Variants in MACROD2 observed in about 807,000 individuals in gnomAD.
The protein encoded by MACROD2 is ADP-ribose glycohydrolase MACROD2.
A neutral mutation model predicts 70.4 loss-of-function variants in MACROD2; 36 were observed. The ratio of observed to expected loss-of-function variants is 0.51; its 90% CI spans 0.39 to 0.68. The LOEUF (loss-of-function observed/expected upper bound fraction) is 0.68, where lower values mean the gene tolerates loss of function less well. MACROD2 is among the 30% of genes least tolerant of loss of function. MACROD2 has a pLI of 0.00. For missense variants in MACROD2, 496 were observed against 538.4 expected (o/e 0.92, Z 0.78); for synonymous variants, 172 against 178.8 (o/e 0.96, Z 0.30).
intron 7 of MACROD2, among the ~76,000 whole-genome samples, chr20:15,447,211 AG>A (rs1205505271): frequency 2.0e-5 from 3 of 152,166 alleles, no homozygotes; most frequent in African/African-American, 7.2e-5. Flanking sequence ...AAGGTGGTGA[AG>A]GAGACAAGCA....
intron 5 of MACROD2, among the ~76,000 whole-genome samples, chr20:14,787,089 AATTT>A (rs765453449): frequency 8.5e-5 from 13 of 152,226 alleles, no homozygotes; most frequent in African/African-American, 2.7e-4. Context: ...TGCTACCAAG[AATTT>A]ATTTATTTCT....
chr20:15,533,477 G>C (rs888349797), intron 8 of MACROD2, among the ~76,000 whole-genome samples: 1 of 151,934 alleles, frequency 6.6e-6, no homozygotes, highest in Non-Finnish European at 1.5e-5. Flanking sequence ...TAATACTTTA[G>C]AGTTATTTCA....
In MACROD2 at chr20:15,786,010, C is replaced by T. The variant is rs960058309; in HGVS notation, c.646-76735C>T. On this transcript the variant is annotated intron_variant, in intron 8 of 17. Coordinates refer to ENST00000684519, the MANE Select transcript of MACROD2 (RefSeq NM_001351661.2). The stretch of plus-strand genomic sequence containing the variant: ...GTTAACATGTTTTATCAAAAACAAG[C>T]GATCGAAGAATAGATACAAGGGTTC... Among the ~76,000 whole-genome samples the T allele has an allele frequency of 1.9e-4, 29 of 151,788 alleles. 1 individual carries two copies. In the East Asian group the frequency reaches 5.4e-3, roughly 28 times the overall value.
intron 8 of MACROD2, among the ~76,000 whole-genome samples, chr20:15,751,492 T>C (rs900206853): frequency 2.6e-5 from 4 of 152,182 alleles, no homozygotes; most frequent in Admixed American, 2.0e-4. Flanking sequence ...ATTTACTATT[T>C]CCAGGGTTTT....
intron 7 of MACROD2, among the ~76,000 whole-genome samples, chr20:15,449,454 A>G (rs1173171015): frequency 6.6e-6 from 1 of 152,148 alleles, no homozygotes; most frequent in African/African-American, 2.4e-5. Context: ...GCAATATAAA[A>G]AGTCATCAAA....
At chr20:14,646,725 T>C (rs1290368581) in intron 4 of MACROD2, among the ~76,000 whole-genome samples, 1 of 152,148 alleles carries the variant, frequency 6.6e-6, no homozygotes, top group Non-Finnish European at 1.5e-5. Context: ...AATGGTACAT[T>C]GTTTCATGAA....
intron 4 of MACROD2, among the ~76,000 whole-genome samples, chr20:14,615,419 G>A (rs1476773655): frequency 2.0e-5 from 3 of 152,086 alleles, no homozygotes; most frequent in Admixed American, 2.0e-4. Context: ...AAAGAAGAGA[G>A]ATCACATTTA....
chr20:15,141,100 T>TA (rs879389879), intron 5 of MACROD2, among the ~76,000 whole-genome samples: 51 of 152,148 alleles, frequency 3.4e-4, no homozygotes, highest in African/African-American at 1.2e-3. Context: ...ATACAGGCAC[T>TA]AGCATACATA....
At chr20:14,003,729 G>T in intron 2 of MACROD2, 1 of 462,350 alleles carries the variant, frequency 2.2e-6, no homozygotes, top group Non-Finnish European at 4.4e-6. Flanking sequence ...CTGTATTCTG[G>T]AGTCTGGTTG....
At position 15,358,092 on chromosome 20, in the gene MACROD2, G is replaced by A. The variant is rs142509676; in HGVS notation, c.541-73313G>A. Among the ~76,000 whole-genome samples, 1,436 of 152,134 alleles carry A rather than the reference G, an allele frequency of 9.4e-3. 23 individuals are homozygous for A. The highest frequency in any genetic ancestry group is 0.033 in the African/African-American group (1,364 of 41,486). On this transcript the variant is annotated intron_variant, in intron 6 of 17. Transcript: ENST00000684519. ...CAAAGTGCTGGGATTACAGGGGTGAGCCACCGCGCCCGGCCCTCAGTCATT... is the reference window on the plus strand; with the variant it reads ...CAAAGTGCTGGGATTACAGGGGTGAACCACCGCGCCCGGCCCTCAGTCATT...
At chr20:14,468,620 C>T (rs1386007762) in intron 3 of MACROD2, among the ~76,000 whole-genome samples, 2 of 151,928 alleles carry the variant, frequency 1.3e-5, no homozygotes, top group Non-Finnish European at 2.9e-5. Context: ...TCAAGCAATT[C>T]TCTGCCTCAG....
chr20:15,983,833 T>C (rs1055485199), intron 13 of MACROD2, among the ~76,000 whole-genome samples: 5 of 152,222 alleles, frequency 3.3e-5, no homozygotes, highest in African/African-American at 1.2e-4. Flanking sequence ...GCATTCTTGG[T>C]ATGCTGTCTT....
At chr20:14,847,485 G>GTTTTT (rs34778387) in intron 5 of MACROD2, among the ~76,000 whole-genome samples, 3 of 121,450 alleles carry the variant, frequency 2.5e-5, no homozygotes, top group African/African-American at 3.2e-5. Flanking sequence ...AGTGTTGCCT[G>GTTTTT]TTTTTTTTTT....
At chr20:15,633,516 G>A (rs2049321207) in intron 8 of MACROD2, among the ~76,000 whole-genome samples, 1 of 152,042 alleles carries the variant, frequency 6.6e-6, no homozygotes, top group African/African-American at 2.4e-5. Flanking sequence ...TAGAGAGGTA[G>A]GGCTGTTTTA....
intron 8 of MACROD2, among the ~76,000 whole-genome samples, chr20:15,605,524 G>C (rs2146697305): frequency 6.7e-6 from 1 of 148,496 alleles, no homozygotes; most frequent in East Asian, 2.0e-4. Context: ...TTTTTCTTTT[G>C]GAGTAAATCA....
chr20:15,924,968 G>GA (rs2065467417), intron 10 of MACROD2, among the ~76,000 whole-genome samples: 1 of 152,148 alleles, frequency 6.6e-6, no homozygotes, highest in South Asian at 2.1e-4. Context: ...AGGGCTTAAT[G>GA]AAAAAAATGC....
At chr20:14,791,510 T>G (rs980292697) in intron 5 of MACROD2, among the ~76,000 whole-genome samples, 6 of 152,088 alleles carry the variant, frequency 3.9e-5, no homozygotes, top group African/African-American at 1.5e-4. Context: ...ACCCATGGCC[T>G]TTTCTGGATA....
At chr20:15,145,674 A>G (rs1394914683) in intron 5 of MACROD2, among the ~76,000 whole-genome samples, 1 of 152,198 alleles carries the variant, frequency 6.6e-6, no homozygotes, top group Non-Finnish European at 1.5e-5. Flanking sequence ...GGGAGTAACC[A>G]TTACCACGAC....
At chr20:15,728,955 T>G (rs1040004865) in intron 8 of MACROD2, among the ~76,000 whole-genome samples, 18 of 152,298 alleles carry the variant, frequency 1.2e-4, no homozygotes, top group Admixed American at 4.6e-4. Flanking sequence ...TTTCTCTAGC[T>G]CCTCTGAGTG....
Sources: allele counts gnomAD v4.1 joint callset (sites outside exome capture counted in the v4.1 genomes callset), GRCh38; gene constraint gnomAD v4.1.1; transcripts MANE v1.5; gene names NCBI Gene and HGNC (gene_info 2026-07-23, HGNC 2026-07-21).